The following CFAP221 variants were observed in gnomAD, a reference collection of about 807,000 sequenced individuals.
CFAP221 encodes cilia- and flagella-associated protein 221.
CFAP221 carries 97 observed loss-of-function variants against 113.1 expected under a neutral mutation model. That is an observed-to-expected ratio of 0.86 (90% CI 0.73 to 1.02). The LOEUF (loss-of-function observed/expected upper bound fraction) is 1.02, where lower values mean the gene tolerates loss of function less well. Among genes scored for constraint, CFAP221 ranks in the 50% least tolerant of loss-of-function variants. CFAP221 has a pLI of 0.00. For missense variants in CFAP221, 1,025 were observed against 1,013.4 expected, an observed-to-expected ratio of 1.01 and a Z score of -0.16; for synonymous variants, 331 against 354.4, an observed-to-expected ratio of 0.93 and a Z score of 0.74.
intron 7 of CFAP221, among the ~76,000 whole-genome samples, chr2:119,587,798 A>G (rs1683323770): frequency 6.6e-6 from 1 of 152,210 alleles, no homozygotes; most frequent in African/African-American, 2.4e-5. Context: ...TTAAATTTAA[A>G]CAATTTAACA....
rs1472829042 is a variant in CFAP221, at chr2:119,559,913, C to T, written c.328-15C>T. On this transcript the variant is annotated splice_polypyrimidine_tract_variant and intron_variant, in intron 4 of 23. Coordinates refer to ENST00000413369, the MANE Select transcript of CFAP221 (RefSeq NM_001271049.2). ...GTCCGGGGCTTGTCCCAACAAGATG[C>T]CACCTGTCTTCCAGGAACACCACCT... 6.5e-7 allele frequency: 1 copy of T among 1,531,098 alleles called. No homozygotes were observed. The highest frequency in any genetic ancestry group is 8.8e-7 in the Non-Finnish European group (1 of 1,142,404). The allele number at this position is 1,531,098 out of a possible 1,614,324, so 94.8% of individuals were successfully genotyped here.
At chr2:119,597,959 G>A (rs773009168) in intron 7 of CFAP221, among the ~76,000 whole-genome samples, 1 of 152,184 alleles carries the variant, frequency 6.6e-6, no homozygotes, top group Non-Finnish European at 1.5e-5. Context: ...GCTTAGGTGT[G>A]GAGAGTTGGG....
At chr2:119,548,230 C>T (rs1680184878) in intron 2 of CFAP221, among the ~76,000 whole-genome samples, 1 of 152,176 alleles carries the variant, frequency 6.6e-6, no homozygotes, top group Non-Finnish European at 1.5e-5. Flanking sequence ...TCCCAAAATG[C>T]TGGGATTACA....
chr2:119,548,411 A>G (rs1349483824), intron 2 of CFAP221, among the ~76,000 whole-genome samples: 2 of 152,332 alleles, frequency 1.3e-5, no homozygotes, highest in African/African-American at 4.8e-5. Flanking sequence ...GGCACAAAGC[A>G]CTTACATAGA....
chr2:119,612,996 A>G (rs1685283443), intron 13 of CFAP221, among the ~76,000 whole-genome samples: 1 of 152,224 alleles, frequency 6.6e-6, no homozygotes, highest in Non-Finnish European at 1.5e-5. Flanking sequence ...CCCATTCCAA[A>G]TGGGAGAAAT....
intron 7 of CFAP221, among the ~76,000 whole-genome samples, chr2:119,588,786 TGA>T (rs1285358935): frequency 2.6e-5 from 4 of 152,108 alleles, no homozygotes; most frequent in Non-Finnish European, 5.9e-5. Context: ...AGTTTGGAGT[TGA>T]GAGAGAGGGG....
At chr2:119,550,272 C>T (rs1256642963) in intron 3 of CFAP221, among the ~76,000 whole-genome samples, 3 of 152,088 alleles carry the variant, frequency 2.0e-5, no homozygotes, top group Non-Finnish European at 2.9e-5. Context: ...CTATCACGTT[C>T]GATTGTTTAG....
chr2:119,569,463 C>A (rs962801128), intron 6 of CFAP221, among the ~76,000 whole-genome samples: 16 of 152,184 alleles, frequency 1.1e-4, no homozygotes, highest in African/African-American at 3.6e-4. Context: ...AGTTTGAAGA[C>A]AGTATGCCTA....
chr2:119,626,950 G>A (rs1686351059), intron 15 of CFAP221, among the ~76,000 whole-genome samples: 1 of 151,490 alleles, frequency 6.6e-6, no homozygotes, highest in Non-Finnish European at 1.5e-5. Context: ...AAAAAGAAAG[G>A]AATTCCAATC....
intron 7 of CFAP221, chr2:119,589,458 G>T (rs1443662421): frequency 6.6e-6 from 1 of 152,208 alleles, no homozygotes; most frequent in Non-Finnish European, 1.5e-5. Context: ...TACAAACTGG[G>T]TTCAGATAGA....
At chr2:119,588,128 T>G (rs1008243911) in intron 7 of CFAP221, among the ~76,000 whole-genome samples, 1 of 152,180 alleles carries the variant, frequency 6.6e-6, no homozygotes, top group Non-Finnish European at 1.5e-5. Flanking sequence ...AACAAGATAA[T>G]ATTTCAGATG....
In CFAP221 at chr2:119,559,941, T is replaced by G; in HGVS notation, c.341T>G (p.Val114Gly). Residue 114 changes from valine (V) to glycine (G), a missense_variant, in exon 5 of 24, where the codon GTC (valine) becomes GGC (glycine). By Grantham distance (109) the Val-to-Gly change is moderately radical. Transcript: ENST00000413369. ...CCTGTCTTCCAGGAACACCACCTGG[T>G]CCCTGGCTTGTCCCTCACGGTCACC... ...INYVRKEHHL[V>G]PGLSLTVTVT... is the part of the protein sequence containing the mutation. 1.3e-6 allele frequency: 2 copies of G among 1,535,162 alleles called. No individual in the cohort carries two copies. The highest frequency in any genetic ancestry group is 1.7e-6 in the Non-Finnish European group (2 of 1,146,538).
Position 119,604,665 on chromosome 2 carries a change from C to T in CFAP221, c.792-7C>T. ...TTTACTAATTTAACACTTGTTTTAA[C>T]CTATAGATTAGAAGAGTTTGAAAGG... On this transcript the variant is annotated splice_polypyrimidine_tract_variant and splice_region_variant and intron_variant, in intron 8 of 23. Transcript: ENST00000413369. The T allele has an allele frequency of 6.5e-7, 1 of 1,543,934 alleles. No individual in the cohort carries two copies. The highest frequency in any genetic ancestry group is 8.7e-7 in the Non-Finnish European group (1 of 1,153,786).
intron 3 of CFAP221, among the ~76,000 whole-genome samples, chr2:119,559,055 A>G (rs1681030527): frequency 6.6e-6 from 1 of 152,134 alleles, no homozygotes; most frequent in Non-Finnish European, 1.5e-5. Flanking sequence ...CCAGAATTCA[A>G]AATTCTTGTG....
At chr2:119,643,385 T>G (rs1687612107) in intron 21 of CFAP221, among the ~76,000 whole-genome samples, 1 of 152,206 alleles carries the variant, frequency 6.6e-6, no homozygotes, top group South Asian at 2.1e-4. Context: ...TTAAATCTCT[T>G]TGGACTTCCA....
chr2:119,580,293 T>A (rs1682757161), intron 6 of CFAP221: 1 of 152,318 alleles, frequency 6.6e-6, no homozygotes, highest in South Asian at 2.1e-4. Context: ...ATTTTACTGT[T>A]GACTGAAGAC....
chr2:119,605,804 G>C (rs951611744), intron 11 of CFAP221, among the ~76,000 whole-genome samples: 2 of 152,140 alleles, frequency 1.3e-5, no homozygotes, highest in African/African-American at 4.8e-5. Context: ...GCATATGCAT[G>C]TGTACAGATT....
intron 22 of CFAP221, 137 bp from the exon 23 acceptor site, chr2:119,651,837 G>T: frequency 1.7e-6 from 1 of 578,324 alleles, no homozygotes; most frequent in Non-Finnish European, 2.9e-6. Flanking sequence ...TTCTTTTAAT[G>T]TAAACAACAA....
At chr2:119,631,827 A>G (rs950133887) in intron 19 of CFAP221, among the ~76,000 whole-genome samples, 2 of 152,244 alleles carry the variant, frequency 1.3e-5, no homozygotes, top group African/African-American at 2.4e-5. Flanking sequence ...GAGGAAGATG[A>G]CATCACTACA....
Sources: allele counts gnomAD v4.1 joint callset (sites outside exome capture counted in the v4.1 genomes callset), GRCh38; gene constraint gnomAD v4.1.1; transcripts MANE v1.5; gene names NCBI Gene and HGNC (gene_info 2026-07-23, HGNC 2026-07-21).